The following GALNT5 variants were observed in gnomAD, a reference collection of about 807,000 sequenced individuals.
GALNT5 encodes the protein UDP-GalNAc:polypeptide N-acetylgalactosaminyltransferase 5.
GALNT5 carries 72 observed loss-of-function variants against 85.4 expected under a neutral mutation model. The observed-to-expected ratio is 0.84, with a 90% confidence interval of 0.70 to 1.03. The LOEUF (loss-of-function observed/expected upper bound fraction) is 1.03, where lower values mean the gene tolerates loss of function less well. GALNT5 is among the 50% of genes least tolerant of loss of function. The pLI, the probability that GALNT5 is intolerant of heterozygous loss-of-function variation, is 0.00. For synonymous variants in GALNT5, 404 were observed against 397.0 expected (o/e 1.02, Z -0.21); for missense variants, 1,137 against 1,135.5 (o/e 1.00, Z -0.02).
intron 1 of GALNT5, among the ~76,000 whole-genome samples, chr2:157,277,559 C>T (rs1204489961): frequency 1.3e-5 from 2 of 152,186 alleles, no homozygotes; most frequent in East Asian, 3.8e-4. Context: ...CAACTGATCC[C>T]TTTACCATTA....
At chr2:157,291,534 C>G (rs1400682366) in intron 3 of GALNT5, among the ~76,000 whole-genome samples, 2 of 152,122 alleles carry the variant, frequency 1.3e-5, no homozygotes, top group Non-Finnish European at 2.9e-5. Context: ...ACTGGTACAG[C>G]AGCAATATTC....
intron 8 of GALNT5, among the ~76,000 whole-genome samples, chr2:157,308,359 C>A (rs1683497740): frequency 6.6e-6 from 1 of 152,130 alleles, no homozygotes. Flanking sequence ...CAATCGCTAT[C>A]CAACTTAAAA....
chr2:157,302,596 A>G (rs1405753632), intron 7 of GALNT5: 1 of 149,092 alleles, frequency 6.7e-6, no homozygotes, highest in African/African-American at 2.5e-5. Context: ...AAAAAAAAAG[A>G]AAGGAATTTC....
chr2:157,264,874 A>G (rs973019094), intron 1 of GALNT5, among the ~76,000 whole-genome samples: 1 of 152,210 alleles, frequency 6.6e-6, no homozygotes, highest in African/African-American at 2.4e-5. Flanking sequence ...AATTAAATTT[A>G]AATTTTTAAT....
intron 3 of GALNT5, among the ~76,000 whole-genome samples, chr2:157,293,298 T>C (rs1200232550): frequency 6.6e-6 from 1 of 152,230 alleles, no homozygotes. Context: ...GCTCACTGTC[T>C]GCTTCAAAGG....
In GALNT5 at chr2:157,317,584, A is replaced by G. The variant is rs1472724578; in HGVS notation, c.*6236A>G. 6.6e-6 allele frequency among the ~76,000 whole-genome samples: 1 copy of G among 152,142 alleles called. No individual in the cohort carries two copies. Among genetic ancestry groups the G allele is most frequent in the African/African-American group, 2.4e-5 (1 of 41,462 alleles). On this transcript the variant is annotated 3_prime_UTR_variant, in exon 10 of 10. Coordinates refer to ENST00000259056, the MANE Select transcript of GALNT5 (RefSeq NM_014568.3). ...TTGCTAAGGGGAGAATAAAACTAAA[A>G]CTGTGGAGTATAAAGGATGTTGGAA...
At chr2:157,285,504 C>G (rs546630133) in intron 2 of GALNT5, among the ~76,000 whole-genome samples, 1 of 152,232 alleles carries the variant, frequency 6.6e-6, no homozygotes, top group Admixed American at 6.5e-5. Context: ...GCTCATAAAG[C>G]CCCCGGAAAA....
chr2:157,260,402 G>A (rs1309350499), intron 1 of GALNT5, among the ~76,000 whole-genome samples: 1 of 152,134 alleles, frequency 6.6e-6, no homozygotes, highest in Non-Finnish European at 1.5e-5. Flanking sequence ...CCTTCAAAAA[G>A]TTAAATTCCT....
chr2:157,305,306 C>T (rs1683431121), intron 7 of GALNT5, among the ~76,000 whole-genome samples: 1 of 152,130 alleles, frequency 6.6e-6, no homozygotes. Flanking sequence ...CTTTGAAGGA[C>T]TCAATTTATC....
At chr2:157,311,090 A>T in intron 9 of GALNT5, 118 bp from the exon 10 acceptor site, 1 of 790,454 alleles carries the variant, frequency 1.3e-6, no homozygotes, top group Non-Finnish European at 2.1e-6. Flanking sequence ...AGTTCAGAAG[A>T]ATTCTTAAAA....
chr2:157,295,565 C>A, intron 3 of GALNT5, 98 bp from the exon 4 acceptor site: 1 of 883,560 alleles, frequency 1.1e-6, no homozygotes, highest in Non-Finnish European at 1.7e-6. Flanking sequence ...GCATTTATAG[C>A]CACATTTCTG....
chr2:157,289,925 T>A (rs1326225620), intron 3 of GALNT5, among the ~76,000 whole-genome samples: 1 of 151,422 alleles, frequency 6.6e-6, no homozygotes, highest in Non-Finnish European at 1.5e-5. Context: ...TACAAAAAAA[T>A]TAGCTGGGAG....
chr2:157,304,275 A>G (rs932092113), intron 7 of GALNT5, among the ~76,000 whole-genome samples: 1 of 152,082 alleles, frequency 6.6e-6, no homozygotes, highest in Non-Finnish European at 1.5e-5. Flanking sequence ...CTCCTCCCAT[A>G]TTTGTCATTT....
intron 9 of GALNT5, among the ~76,000 whole-genome samples, chr2:157,310,309 G>GT (rs999925228): frequency 2.0e-5 from 3 of 152,062 alleles, no homozygotes; most frequent in Admixed American, 6.6e-5. Flanking sequence ...TCTTTTTTCA[G>GT]TTTTTCAGTA....
intron 3 of GALNT5, among the ~76,000 whole-genome samples, chr2:157,294,690 A>AACCCAG (rs1249791043): frequency 1.3e-5 from 2 of 151,940 alleles, no homozygotes; most frequent in Admixed American, 1.3e-4. Flanking sequence ...CCTTTGTATT[A>AACCCAG]CCTGTGGTTG....
rs1337216069 is a variant in GALNT5 at position 157,313,034 on chromosome 2, T to C, written c.*1686T>C. The C allele has an allele frequency of 6.6e-6, 1 of 152,170 alleles. No individual in the cohort carries two copies. The highest frequency in any genetic ancestry group is 6.6e-5 in the Admixed American group (1 of 15,264). The allele number at this position is 152,170 out of a possible 1,614,324, so 9.4% of individuals were successfully genotyped here. On this transcript the variant is annotated 3_prime_UTR_variant, in exon 10 of 10. Coordinates refer to ENST00000259056, the MANE Select transcript of GALNT5 (RefSeq NM_014568.3). Reference sequence around the variant, plus strand: ...GGGAAAAAGAACTATTTCTGCACATTTGTAACATATTTAAGATGTTTTCTT... The same window carrying C: ...GGGAAAAAGAACTATTTCTGCACATCTGTAACATATTTAAGATGTTTTCTT...
chr2:157,271,747 G>A (rs1682590025), intron 1 of GALNT5, among the ~76,000 whole-genome samples: 1 of 152,218 alleles, frequency 6.6e-6, no homozygotes, highest in Admixed American at 6.5e-5. Context: ...TTATGAGTGA[G>A]ATGCCTGTGA....
At position 157,283,511 on chromosome 2, in the gene GALNT5, C is replaced by A. The variant is rs34556902; in HGVS notation, c.1455-771C>A. ...CTATGCCAGCAAAATGGTTTTTCAA[C>A]TGTGGCTATTCTGTAGCAGAGTATC... is the stretch of plus-strand genomic sequence containing the variant. On this transcript the variant is annotated intron_variant, in intron 1 of 9. Coordinates refer to ENST00000259056, the MANE Select transcript of GALNT5 (RefSeq NM_014568.3). Among the ~76,000 whole-genome samples the A allele has an allele frequency of 2.0e-5, 3 of 152,278 alleles. No homozygotes were observed. In the East Asian group the frequency reaches 5.8e-4, roughly 29 times the overall value.
chr2:157,299,636 G>T lies in GALNT5; in HGVS notation c.2086G>T (p.Gly696Cys). 1.2e-6 allele frequency: 2 copies of T among 1,608,120 alleles called. No homozygotes were observed. Among genetic ancestry groups the T allele is most frequent in the Non-Finnish European group, 1.7e-6 (2 of 1,175,048 alleles). The part of the protein sequence containing the change: ...GTYDPGLDVW[G>C]GENMELSFKV... The stretch of plus-strand genomic sequence containing the variant: ...ATACGACCCTGGCCTTGATGTTTGG[G>T]GTGGGGAAAATATGGAGCTCTCATT... The change falls in exon 6 of 10, where the codon GGT (glycine) becomes TGT (cysteine). Residue 696 changes from glycine to cysteine, a missense_variant. Gly to Cys is a radical substitution (Grantham distance 159). Transcript: ENST00000259056.
Sources: gnomAD v4.1 joint callset for allele counts (sites outside exome capture counted in the v4.1 genomes callset) on GRCh38, gnomAD v4.1.1 for gene constraint, MANE v1.5 for transcripts, NCBI Gene and HGNC (gene_info 2026-07-23, HGNC 2026-07-21) for gene names.